Variants in UGT1A10 observed in about 807,000 individuals in gnomAD.
UGT1A10 encodes the protein UDP glucuronosyltransferase family 1 member A10.
In UGT1A10, 49 loss-of-function variants were observed where a neutral mutation model predicts 45.8. The observed-to-expected ratio is 1.07, with a 90% CI of 0.85 to 1.36. The LOEUF is 1.36. Among genes scored for constraint, UGT1A10 ranks in the 40% most tolerant of loss-of-function variants. UGT1A10 has a pLI of 0.00. For missense variants in UGT1A10, 745 were observed against 668.6 expected (o/e 1.11, Z -1.26); for synonymous variants, 284 against 249.7 (o/e 1.14, Z -1.29).
Position 233,769,397 on chromosome 2 carries a change from A to T in UGT1A10, c.1295+958A>T, listed in dbSNP as rs1699854250. ...TCATCCGACAATAGATACTGTGTGC[A>T]TATGTGCGTGTGCGTTTGTGCATGT... is the stretch of plus-strand genomic sequence containing the variant. On this transcript the variant is annotated intron_variant, in intron 4 of 4. Transcript: ENST00000344644. This position sits in a 1 kb window ranked among gnomAD's most constrained non-coding sequence, Gnocchi z 4.4. 1.7e-6 allele frequency: 2 copies of T among 1,148,656 alleles called. No individual in the cohort carries two copies. Among genetic ancestry groups the T allele is most frequent in the East Asian group, 2.5e-5 (1 of 39,850 alleles). 71.2% of individuals were successfully genotyped at this position (1,148,656 alleles called of 1,614,324 possible).
chr2:233,705,833 C>A (rs915135173), intron 1 of UGT1A10, among the ~76,000 whole-genome samples: 3 of 152,118 alleles, frequency 2.0e-5, no homozygotes, highest in African/African-American at 7.2e-5. Flanking sequence ...AGCACAGTGG[C>A]TGGAGCTGAA....
intron 1 of UGT1A10, among the ~76,000 whole-genome samples, chr2:233,683,822 G>A (rs147688606): frequency 2.0e-5 from 3 of 151,948 alleles, no homozygotes; most frequent in South Asian, 2.1e-4. Flanking sequence ...CTAAACTCTC[G>A]TATTAGTATG....
intron 1 of UGT1A10, among the ~76,000 whole-genome samples, chr2:233,677,365 C>A (rs1190302695): frequency 6.6e-6 from 1 of 152,060 alleles, no homozygotes; most frequent in Non-Finnish European, 1.5e-5. Flanking sequence ...ATGAAGGGGA[C>A]CAACCCGTGT....
chr2:233,756,808 C>T (rs1575745774), intron 1 of UGT1A10, among the ~76,000 whole-genome samples: 1 of 152,078 alleles, frequency 6.6e-6, no homozygotes, highest in Non-Finnish European at 1.5e-5. Context: ...TAGTAAAGGT[C>T]ACTCAATTCC....
At chr2:233,650,181 G>T (rs2073704705) in intron 1 of UGT1A10, among the ~76,000 whole-genome samples, 1 of 152,074 alleles carries the variant, frequency 6.6e-6, no homozygotes, top group African/African-American at 2.4e-5. Flanking sequence ...TGTTGGTCAG[G>T]CTGGTCTCGA....
At chr2:233,654,587 A>G (rs2073813804) in intron 1 of UGT1A10, among the ~76,000 whole-genome samples, 2 of 152,356 alleles carry the variant, frequency 1.3e-5, no homozygotes, top group East Asian at 3.9e-4. Flanking sequence ...AAAGCTAGAA[A>G]GTGAAATGAA....
intron 4 of UGT1A10, 75 bp from the exon 5 acceptor site, chr2:233,772,187 G>A: frequency 6.3e-7 from 1 of 1,594,510 alleles, no homozygotes; most frequent in South Asian, 1.1e-5. Flanking sequence ...GTCTTCTTAA[G>A]CAGCCATGAG....
In UGT1A10 at chr2:233,677,104, G is replaced by A. The variant is rs529994676; in HGVS notation, c.855+39727G>A. ...AAAAATCCTGCTAGGATTTTGATTG[G>A]GATTGTATTTTATTTATAGATCAAC... On this transcript the variant is annotated intron_variant, in intron 1 of 4. Coordinates refer to ENST00000344644, the MANE Select transcript of UGT1A10 (RefSeq NM_019075.4). Among the ~76,000 whole-genome samples, 108 of 151,858 alleles carry A rather than the reference G, an allele frequency of 7.1e-4. 1 individual carries two copies. Among genetic ancestry groups the A allele is most frequent in the African/African-American group, 2.3e-3 (97 of 41,424 alleles).
chr2:233,639,398 A>G (rs2073387964), intron 1 of UGT1A10, among the ~76,000 whole-genome samples: 1 of 152,242 alleles, frequency 6.6e-6, no homozygotes, highest in Non-Finnish European at 1.5e-5. Flanking sequence ...ATATGGCCCA[A>G]CCACAAAAGT....
intron 1 of UGT1A10, among the ~76,000 whole-genome samples, chr2:233,765,845 C>T (rs1255338105): frequency 6.6e-6 from 1 of 152,028 alleles, no homozygotes; most frequent in East Asian, 1.9e-4. Context: ...TCCTTGTCCC[C>T]CTCACAGAGC....
intron 1 of UGT1A10, among the ~76,000 whole-genome samples, chr2:233,661,696 C>G: frequency 1.5e-5 from 1 of 66,732 alleles, no homozygotes; most frequent in Admixed American, 1.4e-4. Flanking sequence ...AACAAAGGTC[C>G]TTATCTGGAT....
chr2:233,765,409 TGG>T (rs1441721232), intron 1 of UGT1A10, among the ~76,000 whole-genome samples: 3 of 152,208 alleles, frequency 2.0e-5, no homozygotes, highest in African/African-American at 7.2e-5. Flanking sequence ...ATATACACCA[TGG>T]AATACTATGC....
chr2:233,732,797 G>A (rs1219460969), intron 1 of UGT1A10, among the ~76,000 whole-genome samples: 2 of 150,530 alleles, frequency 1.3e-5, no homozygotes, highest in Non-Finnish European at 3.0e-5. Context: ...GGCAATGCAG[G>A]CTCTTTTTTG....
chr2:233,747,506 A>G, intron 1 of UGT1A10: 1 of 1,608,324 alleles, frequency 6.2e-7, no homozygotes, highest in Non-Finnish European at 8.5e-7. Flanking sequence ...GCCACACTCA[A>G]CTGTACTTTG....
At chr2:233,726,475 A>G (rs1008542072) in intron 1 of UGT1A10, among the ~76,000 whole-genome samples, 16 of 152,160 alleles carry the variant, frequency 1.1e-4, no homozygotes, top group African/African-American at 3.1e-4. Context: ...TTTAACAGAA[A>G]TTTCCTTTTT....
chr2:233,748,006 A>T, intron 1 of UGT1A10: 1 of 1,613,448 alleles, frequency 6.2e-7, no homozygotes, highest in African/African-American at 1.3e-5. Context: ...GTGATGGATT[A>T]CCCCAGGCCG....
At chr2:233,678,570 T>A (rs960658602) in intron 1 of UGT1A10, among the ~76,000 whole-genome samples, 1 of 152,218 alleles carries the variant, frequency 6.6e-6, no homozygotes, top group Non-Finnish European at 1.5e-5. Flanking sequence ...GTACTAATCC[T>A]TCTTCCCCAT....
intron 1 of UGT1A10, among the ~76,000 whole-genome samples, chr2:233,654,730 G>A (rs866333934): frequency 2.6e-5 from 4 of 152,160 alleles, no homozygotes; most frequent in Admixed American, 1.3e-4. Context: ...GTAACACAAC[G>A]AGCTGCAAAC....
chr2:233,692,798 G>A (rs951842538), intron 1 of UGT1A10: 26 of 1,382,070 alleles, frequency 1.9e-5, no homozygotes, highest in African/African-American at 5.9e-5. Context: ...AAGCTGACAC[G>A]GCCATAGTTG....
Sources: allele counts gnomAD v4.1 joint callset (sites outside exome capture counted in the v4.1 genomes callset), GRCh38; gene constraint gnomAD v4.1.1; non-coding constraint Gnocchi (gnomAD v3.1); transcripts MANE v1.5; gene names NCBI Gene and HGNC (gene_info 2026-07-23, HGNC 2026-07-21).